CNTNAP5: variants seen among roughly 807,000 people sequenced by gnomAD.
CNTNAP5 encodes the protein contactin associated protein family member 5.
A neutral mutation model predicts 150.2 loss-of-function variants in CNTNAP5; 72 were observed. The ratio of observed to expected loss-of-function variants is 0.48; its 90% CI spans 0.40 to 0.58. CNTNAP5 has a LOEUF of 0.58. Ranked by LOEUF, CNTNAP5 falls within the 20% of genes least tolerant of loss-of-function variation. The pLI is 0.00. For synonymous variants in CNTNAP5, 672 were observed against 619.8 expected (o/e 1.08, Z -1.25); for missense variants, 1,636 against 1,626.2 (o/e 1.01, Z -0.10).
chr2:124,227,849 C>T (rs1360890451), intron 2 of CNTNAP5, among the ~76,000 whole-genome samples: 1 of 151,634 alleles, frequency 6.6e-6, no homozygotes, highest in Non-Finnish European at 1.5e-5. Flanking sequence ...ATGTATTAGT[C>T]AAGATTCTCC....
intron 3 of CNTNAP5, among the ~76,000 whole-genome samples, chr2:124,317,720 G>A (rs563371855): frequency 5.3e-5 from 8 of 152,230 alleles, no homozygotes; most frequent in Non-Finnish European, 8.8e-5. Context: ...AAGTACAGTT[G>A]CCCAATTGCA....
At chr2:124,502,977 A>G (rs1274687145) in intron 7 of CNTNAP5, among the ~76,000 whole-genome samples, 1 of 152,162 alleles carries the variant, frequency 6.6e-6, no homozygotes, top group Non-Finnish European at 1.5e-5. Flanking sequence ...ACATTACGGC[A>G]TTGTTGTGCA....
At chr2:124,193,148 A>G (rs923551453) in intron 1 of CNTNAP5, among the ~76,000 whole-genome samples, 1 of 152,144 alleles carries the variant, frequency 6.6e-6, no homozygotes, top group African/African-American at 2.4e-5. Context: ...TTATAAGGAC[A>G]CCAGTCATAC....
chr2:124,125,831 T>C (rs1015279927), intron 1 of CNTNAP5, among the ~76,000 whole-genome samples: 2 of 152,006 alleles, frequency 1.3e-5, no homozygotes, highest in African/African-American at 4.8e-5. Context: ...CATAACAAAA[T>C]GAAGGCAGAA....
At chr2:124,065,794 C>A (rs1428039633) in intron 1 of CNTNAP5, among the ~76,000 whole-genome samples, 2 of 152,138 alleles carry the variant, frequency 1.3e-5, no homozygotes, top group African/African-American at 4.8e-5. Context: ...GGTTGAGCTA[C>A]AATCCACAAA....
At chr2:124,437,859 G>A (rs1426673178) in intron 5 of CNTNAP5, among the ~76,000 whole-genome samples, 2 of 152,088 alleles carry the variant, frequency 1.3e-5, no homozygotes, top group African/African-American at 4.8e-5. Flanking sequence ...AAAGGAGAGA[G>A]TTTTGGTTTT....
chr2:124,284,839 G>C (rs1169273774), intron 3 of CNTNAP5, among the ~76,000 whole-genome samples: 1 of 152,078 alleles, frequency 6.6e-6, no homozygotes, highest in Non-Finnish European at 1.5e-5. Context: ...GAAGCAGTAG[G>C]CTATCCCCAA....
At chr2:124,226,472 T>TAA (rs1686462772) in intron 2 of CNTNAP5, among the ~76,000 whole-genome samples, 1 of 152,172 alleles carries the variant, frequency 6.6e-6, no homozygotes, top group Admixed American at 6.5e-5. Flanking sequence ...GCTACTGAGT[T>TAA]GTACTTGTTC....
In CNTNAP5 at chr2:124,592,570, G is replaced by A. The variant is rs532235283; in HGVS notation, c.1757-17231G>A. Among the ~76,000 whole-genome samples, 5 of 151,240 alleles carry A rather than the reference G, an allele frequency of 3.3e-5. No homozygotes were observed. The East Asian group carries it at 7.8e-4, about 24-fold the overall frequency. On this transcript the variant is annotated intron_variant, in intron 11 of 23. Coordinates refer to ENST00000682447, the MANE Select transcript of CNTNAP5 (RefSeq NM_001367498.1). ...AAAAAATGCTAAAGAAAATGACATTGAAATCCAATTTTTCACATATCAAAT... is the reference window on the plus strand; with the variant it reads ...AAAAAATGCTAAAGAAAATGACATTAAAATCCAATTTTTCACATATCAAAT...
At chr2:124,208,120 A>T (rs1302236875) in intron 1 of CNTNAP5, among the ~76,000 whole-genome samples, 1 of 152,186 alleles carries the variant, frequency 6.6e-6, no homozygotes, top group Non-Finnish European at 1.5e-5. Flanking sequence ...GTCTCAAAAA[A>T]TCATTATATT....
At chr2:124,347,358 G>C (rs558742667) in intron 3 of CNTNAP5, among the ~76,000 whole-genome samples, 2 of 152,228 alleles carry the variant, frequency 1.3e-5, no homozygotes, top group African/African-American at 4.8e-5. Context: ...GAGTCTGGGA[G>C]ACTGAGGGGG....
chr2:124,368,750 G>A (rs1261695909), intron 3 of CNTNAP5, among the ~76,000 whole-genome samples: 1 of 152,022 alleles, frequency 6.6e-6, no homozygotes, highest in African/African-American at 2.4e-5. Flanking sequence ...GCTGGGGGTG[G>A]GAGGCCTGGT....
intron 13 of CNTNAP5, among the ~76,000 whole-genome samples, chr2:124,746,512 T>TC (rs1680606053): frequency 6.6e-6 from 1 of 152,098 alleles, no homozygotes; most frequent in African/African-American, 2.4e-5. Context: ...TTATTTTTTT[T>TC]CCCCCAAATC....
intron 3 of CNTNAP5, among the ~76,000 whole-genome samples, chr2:124,300,059 C>T (rs1406206733): frequency 6.6e-6 from 1 of 152,206 alleles, no homozygotes; most frequent in Non-Finnish European, 1.5e-5. Flanking sequence ...CTTTCTCACA[C>T]TATTACAAAT....
intron 7 of CNTNAP5, among the ~76,000 whole-genome samples, chr2:124,490,317 G>A (rs887847684): frequency 7.6e-6 from 1 of 130,872 alleles, no homozygotes; most frequent in African/African-American, 2.8e-5. Flanking sequence ...CTGGACAACA[G>A]AGCATTGTTG....
At chr2:124,642,013 A>C (rs762884599) in intron 12 of CNTNAP5, among the ~76,000 whole-genome samples, 3 of 152,218 alleles carry the variant, frequency 2.0e-5, no homozygotes, top group Admixed American at 6.5e-5. Context: ...CATCATAATC[A>C]GACCAATCTG....
intron 12 of CNTNAP5, among the ~76,000 whole-genome samples, chr2:124,631,682 T>C (rs946520825): frequency 6.6e-6 from 1 of 152,000 alleles, no homozygotes; most frequent in South Asian, 2.1e-4. Flanking sequence ...TATGATGAAA[T>C]TGCCAAAAGC....
Position 124,386,154 on chromosome 2 carries a change from C to T in CNTNAP5, c.382-31289C>T, listed in dbSNP as rs1690921697. ...TTCTCTTTCACATGGTCTACTGGAA[C>T]CAAATGCCTGCCTTTGTATGATAGC... is the stretch of plus-strand genomic sequence containing the variant. On this transcript the variant is annotated intron_variant, in intron 3 of 23. Transcript: ENST00000682447. Among the ~76,000 whole-genome samples the T allele has an allele frequency of 3.3e-5, 5 of 152,220 alleles. No individual in the cohort carries two copies. The South Asian group carries it at 1.0e-3, about 32-fold the overall frequency.
At chr2:124,855,335 G>A (rs986741208) in intron 19 of CNTNAP5, among the ~76,000 whole-genome samples, 10 of 151,884 alleles carry the variant, frequency 6.6e-5, no homozygotes, top group South Asian at 2.1e-4. Context: ...GTGCCACCAC[G>A]CTCGGCTAAT....
Sources: allele counts gnomAD v4.1 joint callset (sites outside exome capture counted in the v4.1 genomes callset), GRCh38; gene constraint gnomAD v4.1.1; transcripts MANE v1.5; gene names NCBI Gene and HGNC (gene_info 2026-07-23, HGNC 2026-07-21).